MTOR: variants seen among roughly 807,000 people sequenced by gnomAD.
MTOR encodes the protein serine/threonine-protein kinase mTOR.
A neutral mutation model predicts 319.8 loss-of-function variants in MTOR; 70 were observed. The ratio of observed to expected loss-of-function variants is 0.22; its 90% CI spans 0.18 to 0.27. The LOEUF is 0.27. MTOR is among the 10% of genes least tolerant of loss of function. The probability of loss-of-function intolerance (pLI) is 1.00; values close to 1 mark genes in which losing one functional copy is unlikely to be tolerated. For synonymous variants in MTOR, 1,183 were observed against 1,211.4 expected, an observed-to-expected ratio of 0.98 and a Z score of 0.49; for missense variants, 1,890 against 3,274.4, an observed-to-expected ratio of 0.58 and a Z score of 10.32.
chr1:11,204,970 T>C (rs2100766494), intron 25 of MTOR, among the ~76,000 whole-genome samples: 1 of 152,218 alleles, frequency 6.6e-6, no homozygotes, highest in South Asian at 2.1e-4. Flanking sequence ...CCAGAATACA[T>C]GGGATTGCCA....
rs143494242 is a variant in MTOR, at chr1:11,240,288, G to A, written c.1786+15C>T. On this transcript the variant is annotated intron_variant, in intron 11 of 57. Transcript: ENST00000361445. ...ATCTCTCACTATCTTGGCAAGAGCCGTTGTAATTTCTTACCTTCAAATTCA... is the reference window on the plus strand; with the variant it reads ...ATCTCTCACTATCTTGGCAAGAGCCATTGTAATTTCTTACCTTCAAATTCA... 556 of 1,539,940 alleles carry A rather than the reference G, an allele frequency of 3.6e-4. 1 individual carries two copies. The African/African-American group carries it at 6.5e-3, about 18-fold the overall frequency.
intron 4 of MTOR, 32 bp from the exon 5 acceptor site, chr1:11,256,224 T>C: frequency 6.3e-7 from 1 of 1,597,788 alleles, no homozygotes; most frequent in Non-Finnish European, 8.5e-7. Flanking sequence ...GAACTCTCAT[T>C]GGTACCAGAG....
chr1:11,134,491 A>C (rs1326066923), intron 36 of MTOR, 25 bp from the exon 37 acceptor site: 1 of 1,608,758 alleles, frequency 6.2e-7, no homozygotes, highest in African/African-American at 1.3e-5. Context: ...AGGCACAGAG[A>C]GCCACTTGGC....
At position 11,127,610 on chromosome 1, in the gene MTOR, T is replaced by G; in HGVS notation, c.6216+14A>C. On this transcript the variant is annotated intron_variant, in intron 44 of 57. Coordinates refer to ENST00000361445, the MANE Select transcript of MTOR (RefSeq NM_004958.4). This position sits in a 1 kb window ranked among gnomAD's most constrained non-coding sequence, Gnocchi z 5.5. ...TCTACAGGGTTATGTCCTTTCGTGT[T>G]TTTTACCCCATACCTGATTAAAGGA... 1 of 1,592,868 alleles carries G rather than the reference T, an allele frequency of 6.3e-7. No individual in the cohort carries two copies. Among genetic ancestry groups the G allele is most frequent in the African/African-American group, 1.4e-5 (1 of 73,844 alleles).
chr1:11,166,580 A>G (rs534328415), intron 29 of MTOR, among the ~76,000 whole-genome samples: 1 of 152,356 alleles, frequency 6.6e-6, no homozygotes, highest in African/African-American at 2.4e-5. Context: ...CGATCATTAA[A>G]AAGTCAGGAA....
chr1:11,145,868 A>C (rs1643912702), intron 32 of MTOR, among the ~76,000 whole-genome samples: 1 of 152,140 alleles, frequency 6.6e-6, no homozygotes, highest in Admixed American at 6.5e-5. Context: ...TTCTGCACAC[A>C]CTTCAATGGC....
At position 11,234,170 on chromosome 1, in the gene MTOR, G is replaced by A. The variant is rs1380794368; in HGVS notation, c.2304C>T (p.Ile768=). The stretch of plus-strand genomic sequence containing the variant: ...TCAGAATAGGCTCCATGTAGGGGCG[G>A]ATGAGTCGGGGGGCATTGGAGACCA... ...GHLVSNAPRL[I]RPYMEPILKA... is the part of the protein sequence containing the mutation. The change falls in exon 14 of 58, where the codon ATC becomes ATT. Residue 768 remains isoleucine (I), a synonymous_variant. Transcript: ENST00000361445. 80 of 1,614,076 alleles carry A rather than the reference G, an allele frequency of 5.0e-5. No homozygotes were observed. The highest frequency in any genetic ancestry group is 6.8e-5 in the Non-Finnish European group (80 of 1,180,036).
chr1:11,238,728 C>A, intron 11 of MTOR, 111 bp from the exon 12 acceptor site: 3 of 878,104 alleles, frequency 3.4e-6, no homozygotes, highest in Non-Finnish European at 3.5e-6. Context: ...CTACTTTCAA[C>A]TAGATATTGA....
At chr1:11,223,567 T>C (rs1557443609) in intron 19 of MTOR, among the ~76,000 whole-genome samples, 1 of 152,192 alleles carries the variant, frequency 6.6e-6, no homozygotes, top group Non-Finnish European at 1.5e-5. Flanking sequence ...GGTTGTCTAC[T>C]ATATTCATGA....
At chr1:11,226,485 C>T (rs1446500179) in intron 19 of MTOR, 1 of 152,196 alleles carries the variant, frequency 6.6e-6, no homozygotes, top group Non-Finnish European at 1.5e-5. Flanking sequence ...TCCACTATCA[C>T]TGCATCTAAT....
rs369577213 is a variant in MTOR at position 11,112,837 on chromosome 1, C to T, written c.7366+15G>A. ...AAGGGGGAGAGCCTTTGCGACCTCCCGTGGATGCACCTACCGACTGACTGG... is the reference window on the plus strand; with the variant it reads ...AAGGGGGAGAGCCTTTGCGACCTCCTGTGGATGCACCTACCGACTGACTGG... On this transcript the variant is annotated intron_variant, in intron 54 of 57. Transcript: ENST00000361445. The T allele has an allele frequency of 3.2e-5, 51 of 1,613,936 alleles. No homozygotes were observed. The highest frequency in any genetic ancestry group is 1.3e-4 in the African/African-American group (10 of 74,908).
At chr1:11,118,728 G>A (rs1046052933) in intron 49 of MTOR, among the ~76,000 whole-genome samples, 6 of 150,996 alleles carry the variant, frequency 4.0e-5, no homozygotes, top group Non-Finnish European at 7.4e-5. Context: ...CCTGGCTCAA[G>A]TGATCCTCCC....
intron 28 of MTOR, chr1:11,195,491 G>A (rs1645752113): frequency 6.5e-6 from 1 of 154,006 alleles, no homozygotes; most frequent in Admixed American, 6.4e-5. Context: ...AGGCAGGTGG[G>A]AAATGGTATT....
chr1:11,202,212 G>T (rs372654896), intron 26 of MTOR, among the ~76,000 whole-genome samples: 2 of 151,990 alleles, frequency 1.3e-5, no homozygotes, highest in Admixed American at 1.3e-4. Flanking sequence ...GGCAGATTGC[G>T]AGGTCAGGAG....
chr1:11,260,912 C>G (rs777486243), intron 1 of MTOR, among the ~76,000 whole-genome samples: 3 of 151,390 alleles, frequency 2.0e-5, no homozygotes, highest in Non-Finnish European at 4.4e-5. Flanking sequence ...GCCTCAGCTT[C>G]CCGAGTAGCT....
Position 11,129,779 on chromosome 1 carries a change from G to A in MTOR, c.5673C>T (p.Ser1891=). 1 of 1,614,212 alleles carries A rather than the reference G, an allele frequency of 6.2e-7. No homozygotes were observed. The highest frequency in any genetic ancestry group is 2.2e-5 in the East Asian group (1 of 44,882). The change falls in exon 40 of 58, where the codon TCC becomes TCT. Residue 1891 remains serine (S), a synonymous_variant. Transcript: ENST00000361445. The surrounding 1 kb of genome is among the most constrained non-coding windows in gnomAD (Gnocchi z 4.7). The part of the protein sequence containing the change: ...TVPAVQGFFR[S]ISLSRGNNLQ... ...GGTTGTTGCCTCGTGACAAGGAGAT[G>A]GAACGGAAGAAGCCCTGGACGGCAG...
rs367855451 is a variant in MTOR, at chr1:11,250,321, G to A, written c.841-2227C>T. ...ATGGGGCGGCTGGCCGGGCAGAGGG[G>A]CTCCTCACTTCCCAGTAGGGGCGGC... is the stretch of plus-strand genomic sequence containing the variant. On this transcript the variant is annotated intron_variant, in intron 6 of 57. Coordinates refer to ENST00000361445, the MANE Select transcript of MTOR (RefSeq NM_004958.4). Among the ~76,000 whole-genome samples the A allele has an allele frequency of 3.9e-5, 6 of 151,922 alleles. No homozygotes were observed. In the East Asian group the frequency reaches 7.7e-4, roughly 20 times the overall value.
chr1:11,187,599 G>C (rs1019163737), intron 28 of MTOR, among the ~76,000 whole-genome samples: 1 of 152,216 alleles, frequency 6.6e-6, no homozygotes. Context: ...CTGGGGATTA[G>C]GGACCCCTGC....
chr1:11,215,643 T>C (rs1646443740), intron 20 of MTOR, among the ~76,000 whole-genome samples: 1 of 152,194 alleles, frequency 6.6e-6, no homozygotes. Flanking sequence ...TGTTATAAAA[T>C]CCTGGAACCT....
Sources: allele counts gnomAD v4.1 joint callset (sites outside exome capture counted in the v4.1 genomes callset), GRCh38; gene constraint gnomAD v4.1.1; non-coding constraint Gnocchi (gnomAD v3.1); transcripts MANE v1.5; gene names NCBI Gene and HGNC (gene_info 2026-07-23, HGNC 2026-07-21).